Variants in GSN observed in about 807,000 individuals in gnomAD.
GSN encodes gelsolin, also known as actin-depolymerizing factor.
In GSN, 56 loss-of-function variants were observed where a neutral mutation model predicts 85.7. The observed-to-expected ratio is 0.65, with a 90% CI of 0.53 to 0.82. The LOEUF (loss-of-function observed/expected upper bound fraction) is 0.82. Among genes scored for constraint, GSN ranks in the 40% least tolerant of loss-of-function variants. The pLI is 0.00. For synonymous variants in GSN, 373 were observed against 399.1 expected (o/e 0.93, Z 0.78); for missense variants, 857 against 979.8 (o/e 0.87, Z 1.67).
chr9:121,237,425 G>GTGA (rs1483761385), intron 5 of GSN, among the ~76,000 whole-genome samples: 1 of 152,102 alleles, frequency 6.6e-6, no homozygotes, highest in Non-Finnish European at 1.5e-5. Context: ...TTAACTGCAT[G>GTGA]TGAGTAGCAC....
intron 1 of GSN, among the ~76,000 whole-genome samples, chr9:121,273,643 T>C (rs1283443080): frequency 6.6e-6 from 1 of 152,208 alleles, no homozygotes; most frequent in East Asian, 1.9e-4. Context: ...ACAATTATCC[T>C]ATATTTATAA....
At position 121,224,635 on chromosome 9, in the gene GSN, A is replaced by G. The variant is rs149234613; in HGVS notation, c.-527-6530A>G. Reference sequence around the variant, plus strand: ...TTTCCTGTGGACTTTCCTGCCACCAATGTTGCTTTTAGTCTGAATACCAGT... The same window carrying G: ...TTTCCTGTGGACTTTCCTGCCACCAGTGTTGCTTTTAGTCTGAATACCAGT... On this transcript the variant is annotated intron_variant, in intron 4 of 24. Coordinates refer to the GSN transcript ENST00000373823. Among the ~76,000 whole-genome samples the G allele has an allele frequency of 2.9e-3, 435 of 151,674 alleles. 5 individuals carry two copies. Among genetic ancestry groups the G allele is most frequent in the African/African-American group, 9.8e-3 (406 of 41,328 alleles).
chr9:121,314,771 T>A (rs2061532965), intron 7 of GSN, among the ~76,000 whole-genome samples: 1 of 152,172 alleles, frequency 6.6e-6, no homozygotes, highest in Admixed American at 6.5e-5. Flanking sequence ...AAAATGACAA[T>A]ACCCAGTTAA....
At chr9:121,232,477 A>G (rs1348044185) in intron 5 of GSN, among the ~76,000 whole-genome samples, 1 of 152,212 alleles carries the variant, frequency 6.6e-6, no homozygotes, top group African/African-American at 2.4e-5. Context: ...GTAAAAAGCC[A>G]TGTGTGTATG....
rs1389755948 is a variant in GSN, at chr9:121,314,020, C to T, written c.750C>T (p.Tyr250=). The T allele has an allele frequency of 6.2e-7, 1 of 1,611,824 alleles. No homozygotes were observed. The highest frequency in any genetic ancestry group is 1.3e-5 in the African/African-American group (1 of 75,040). The stretch of plus-strand genomic sequence containing the variant: ...CCAACCGCAAGCTGGCCAAGCTCTA[C>T]AAGGTGAGCACCAGATGCACTGTCT... The part of the protein sequence containing the change: ...DAANRKLAKL[Y]KVSNGAGTMS... The change falls in exon 7 of 18, where the codon TAC becomes TAT. Residue 250 remains tyrosine (Y), a synonymous_variant. Transcript: ENST00000432226.
intron 4 of GSN, among the ~76,000 whole-genome samples, chr9:121,211,129 A>G (rs2053961548): frequency 6.6e-6 from 1 of 152,234 alleles, no homozygotes; most frequent in South Asian, 2.1e-4. Context: ...ATAGTCAAAT[A>G]CAGAGACACA....
chr9:121,313,165 C>T (rs897569114), intron 6 of GSN: 2 of 154,522 alleles, frequency 1.3e-5, no homozygotes, highest in Admixed American at 1.3e-4. Flanking sequence ...CAGAAAGAGA[C>T]CACTGAGCCC....
At chr9:121,319,626 T>G (rs961771064) in intron 10 of GSN, among the ~76,000 whole-genome samples, 21 of 151,978 alleles carry the variant, frequency 1.4e-4, no homozygotes, top group Non-Finnish European at 4.4e-5. Flanking sequence ...CCCGGCCACC[T>G]GCTTTAGAAA....
chr9:121,232,420 G>A (rs1282364027), intron 5 of GSN, among the ~76,000 whole-genome samples: 2 of 152,228 alleles, frequency 1.3e-5, no homozygotes, highest in South Asian at 2.1e-4. Context: ...TGGTTAGTCA[G>A]TTATCCCTTT....
chr9:121,318,241 G>A lies in GSN; in HGVS notation c.887-165G>A, dbSNP rs1035057829. On this transcript the variant is annotated intron_variant, in intron 8 of 17. Transcript: ENST00000432226. This position sits in a 1 kb window ranked among gnomAD's most constrained non-coding sequence, Gnocchi z 4.3. ...GCCAGCCCCAGGCTGGACACCAGGAGCTCTAGTGAGTGGTCGGCTCTGGGG... is the reference window on the plus strand; with the variant it reads ...GCCAGCCCCAGGCTGGACACCAGGAACTCTAGTGAGTGGTCGGCTCTGGGG... 2.0e-5 allele frequency among the ~76,000 whole-genome samples: 3 copies of A among 152,172 alleles called. No homozygotes were observed. Among genetic ancestry groups the A allele is most frequent in the African/African-American group, 7.2e-5 (3 of 41,442 alleles).
At chr9:121,241,986 A>G (rs557798492) in intron 5 of GSN, among the ~76,000 whole-genome samples, 1 of 152,336 alleles carries the variant, frequency 6.6e-6, no homozygotes, top group South Asian at 2.1e-4. Flanking sequence ...ATCTTGGTTC[A>G]AAATGTAGTG....
intron 7 of GSN, among the ~76,000 whole-genome samples, chr9:121,316,145 A>G (rs2061680144): frequency 6.6e-6 from 1 of 152,206 alleles, no homozygotes. Flanking sequence ...CCAACTGGAT[A>G]TTGTTAAACT....
intron 11 of GSN, 31 bp downstream of exon 11, chr9:121,321,432 T>TG: frequency 6.2e-7 from 1 of 1,608,046 alleles, no homozygotes; most frequent in East Asian, 2.2e-5. Context: ...GTGTGTGTCG[T>TG]GGGGGTACTG....
chr9:121,312,010 G>T, intron 5 of GSN: 1 of 319,948 alleles, frequency 3.1e-6, no homozygotes, highest in Non-Finnish European at 6.0e-6. Context: ...GGTATATTCG[G>T]CTTTAGTGGC....
At chr9:121,231,398 A>G (rs997305992) in intron 5 of GSN, 1 of 152,292 alleles carries the variant, frequency 6.6e-6, no homozygotes, top group African/African-American at 2.4e-5. Flanking sequence ...GGTTAATATT[A>G]TCTACCAAGG....
intron 1 of GSN, among the ~76,000 whole-genome samples, chr9:121,278,923 C>A (rs963298386): frequency 6.6e-6 from 1 of 152,190 alleles, no homozygotes; most frequent in Non-Finnish European, 1.5e-5. Flanking sequence ...CACTCTTTGC[C>A]GGCTCTGTGA....
chr9:121,213,065 A>G (rs776760362), intron 4 of GSN, among the ~76,000 whole-genome samples: 4 of 152,172 alleles, frequency 2.6e-5, no homozygotes, highest in Admixed American at 6.5e-5. Flanking sequence ...TGAATTTTAC[A>G]GGTTTAATGT....
intron 2 of GSN, among the ~76,000 whole-genome samples, chr9:121,300,573 T>C (rs1408856011): frequency 6.6e-6 from 1 of 152,088 alleles, no homozygotes; most frequent in East Asian, 1.9e-4. Context: ...TCCCACCAGA[T>C]CTCTTCTCCG....
chr9:121,271,887 C>A (rs77475717), intron 1 of GSN, among the ~76,000 whole-genome samples: 60 of 152,326 alleles, frequency 3.9e-4, no homozygotes, highest in Non-Finnish European at 7.2e-4. Context: ...CAGGACTGGT[C>A]CCCCCTTTTC....
Sources: gnomAD v4.1 joint callset for allele counts (sites outside exome capture counted in the v4.1 genomes callset) on GRCh38, gnomAD v4.1.1 for gene constraint, Gnocchi (gnomAD v3.1) non-coding constraint, MANE v1.5 for transcripts, NCBI Gene and HGNC (gene_info 2026-07-23, HGNC 2026-07-21) for gene names.